The following GRM7 variants were observed in gnomAD, a reference collection of about 807,000 sequenced individuals.
GRM7 encodes glutamate metabotropic receptor 7, also known as metabotropic glutamate receptor 7.
A neutral mutation model predicts 84.5 loss-of-function variants in GRM7; 35 were observed. That is an observed-to-expected ratio of 0.41 (90% CI 0.32 to 0.55). The LOEUF (loss-of-function observed/expected upper bound fraction) is 0.55. Ranked by LOEUF, GRM7 falls within the 20% of genes least tolerant of loss-of-function variation. GRM7 has a pLI of 0.19. For synonymous variants in GRM7, 487 were observed against 455.1 expected (o/e 1.07, Z -0.89); for missense variants, 1,003 against 1,194.6 (o/e 0.84, Z 2.36).
At position 7,371,590 on chromosome 3, in the gene GRM7, T is replaced by G. The variant is rs548874358; in HGVS notation, c.1034-43433T>G. The stretch of plus-strand genomic sequence containing the variant: ...GCCAATACTGAGTGCTTTCTGCAAG[T>G]ATAAAGTAATTTAATTCTGAGCAAT... On this transcript the variant is annotated intron_variant, in intron 4 of 9. Transcript: ENST00000357716. Among the ~76,000 whole-genome samples the G allele has an allele frequency of 1.4e-4, 22 of 152,264 alleles. No homozygotes were observed. The South Asian group carries it at 4.6e-3, about 32-fold the overall frequency.
chr3:7,304,259 T>A (rs150319757), intron 3 of GRM7, among the ~76,000 whole-genome samples: 22 of 150,660 alleles, frequency 1.5e-4, no homozygotes, highest in Admixed American at 2.6e-4. Flanking sequence ...AATTTTAAAG[T>A]CTTTTTGTCA....
At chr3:7,202,318 T>G (rs1203286582) in intron 2 of GRM7, among the ~76,000 whole-genome samples, 2 of 152,124 alleles carry the variant, frequency 1.3e-5, no homozygotes, top group African/African-American at 4.8e-5. Context: ...AAATCTTTTG[T>G]TTTTTGTATG....
intron 8 of GRM7, among the ~76,000 whole-genome samples, chr3:7,610,694 A>G (rs1292166420): frequency 2.6e-5 from 4 of 152,102 alleles, no homozygotes; most frequent in African/African-American, 9.7e-5. Flanking sequence ...TTTGTTTCTT[A>G]TTTTCATGAT....
At chr3:7,189,635 C>A (rs889961240) in intron 2 of GRM7, among the ~76,000 whole-genome samples, 5 of 152,058 alleles carry the variant, frequency 3.3e-5, no homozygotes, top group African/African-American at 1.2e-4. Flanking sequence ...TGACCTCAAC[C>A]TTTTGTCTTA....
At position 6,872,915 on chromosome 3, in the gene GRM7, A is replaced by G. The variant is rs542409018; in HGVS notation, c.519+11008A>G. ...CTTTGCTATTCTGAGCAGTGCTGCA[A>G]TAAACATATGTGTGCATATGTCTTT... On this transcript the variant is annotated intron_variant, in intron 1 of 9. Coordinates refer to ENST00000357716, the MANE Select transcript of GRM7 (RefSeq NM_000844.4). Among the ~76,000 whole-genome samples, 72 of 152,318 alleles carry G rather than the reference A, an allele frequency of 4.7e-4. 1 individual carries two copies. Among genetic ancestry groups the G allele is most frequent in the African/African-American group, 1.6e-3 (65 of 41,568 alleles).
At chr3:6,886,814 A>G (rs1251277521) in intron 1 of GRM7, among the ~76,000 whole-genome samples, 1 of 151,760 alleles carries the variant, frequency 6.6e-6, no homozygotes, top group Non-Finnish European at 1.5e-5. Flanking sequence ...GTTTAATAAA[A>G]TGCTTAGGAT....
intron 7 of GRM7, among the ~76,000 whole-genome samples, chr3:7,462,298 T>C (rs575698530): frequency 2.0e-4 from 31 of 152,214 alleles, no homozygotes; most frequent in Non-Finnish European, 3.5e-4. Flanking sequence ...AAATTCTCTC[T>C]TAGCCTTTTT....
rs141014658 is a variant in GRM7, at chr3:6,980,130, C to T, written c.519+118223C>T. On this transcript the variant is annotated intron_variant, in intron 1 of 9. Transcript: ENST00000357716. ...ACTTCATATATTTCCTTCCTTTCTG[C>T]CTTCCATTCTTTCATTCTTTCACTC... 2.0e-5 allele frequency among the ~76,000 whole-genome samples: 3 copies of T among 152,100 alleles called. No homozygotes were observed. The East Asian group carries it at 5.8e-4, about 29-fold the overall frequency.
intron 1 of GRM7, among the ~76,000 whole-genome samples, chr3:6,995,913 T>G (rs1292616280): frequency 6.6e-6 from 1 of 152,174 alleles, no homozygotes; most frequent in Non-Finnish European, 1.5e-5. Context: ...TAAAAAGATG[T>G]GAAAGGTAAG....
At chr3:7,498,563 C>T (rs747026970) in intron 7 of GRM7, among the ~76,000 whole-genome samples, 6 of 152,106 alleles carry the variant, frequency 3.9e-5, no homozygotes, top group Admixed American at 6.5e-5. Flanking sequence ...TGGTATTTCA[C>T]ATTTGGTTGA....
intron 1 of GRM7, among the ~76,000 whole-genome samples, chr3:7,071,692 A>G (rs1200561765): frequency 6.6e-6 from 1 of 152,012 alleles, no homozygotes; most frequent in Non-Finnish European, 1.5e-5. Context: ...AGTATGTAAA[A>G]CATTTATTGA....
Position 7,718,029 on chromosome 3 carries a change from G to T in GRM7, c.2699-22328G>T, listed in dbSNP as rs574574536. Reference sequence around the variant, plus strand: ...GTGACATCGCCTATTAAAAGAAGAGGTTTGCAGGGTTCACATGAACTCTGG... The same window carrying T: ...GTGACATCGCCTATTAAAAGAAGAGTTTTGCAGGGTTCACATGAACTCTGG... On this transcript the variant is annotated intron_variant, in intron 9 of 9. Transcript: ENST00000357716. 8.8e-4 allele frequency among the ~76,000 whole-genome samples: 124 copies of T among 141,172 alleles called. No individual in the cohort carries two copies. In the South Asian group the frequency reaches 0.024, roughly 28 times the overall value. The allele number at this position is 141,172 out of a possible 152,430, so 92.6% of individuals were successfully genotyped here. A position where few individuals can be genotyped will look rare whatever the true frequency, so the allele number is the denominator to read the frequency against.
At chr3:7,445,765 G>T (rs190318644) in intron 5 of GRM7, among the ~76,000 whole-genome samples, 1 of 152,250 alleles carries the variant, frequency 6.6e-6, no homozygotes, top group Admixed American at 6.5e-5. Context: ...ATTTTATACA[G>T]AGAAATGCAT....
At chr3:7,296,363 A>G (rs761479433) in intron 2 of GRM7, among the ~76,000 whole-genome samples, 21 of 152,002 alleles carry the variant, frequency 1.4e-4, no homozygotes, top group Non-Finnish European at 2.8e-4. Context: ...TTGTTTGGTA[A>G]TATCTTTTCC....
intron 1 of GRM7, among the ~76,000 whole-genome samples, chr3:7,132,778 G>A (rs1693647128): frequency 6.6e-6 from 1 of 152,164 alleles, no homozygotes; most frequent in South Asian, 2.1e-4. Context: ...GACGCTGAAA[G>A]TGGCTTCGGA....
rs79954284 is a variant in GRM7, at chr3:7,384,573, T to A, written c.1034-30450T>A. Among the ~76,000 whole-genome samples the A allele has an allele frequency of 1.4e-3, 219 of 152,330 alleles. No homozygotes were observed. In the East Asian group the frequency reaches 0.02, roughly 14 times the overall value. ...TATTTAACCCAATGTATCCCAAATATCATCTCAACATATAATCAAATAACA... is the reference window on the plus strand; with the variant it reads ...TATTTAACCCAATGTATCCCAAATAACATCTCAACATATAATCAAATAACA... On this transcript the variant is annotated intron_variant, in intron 4 of 9. Coordinates refer to ENST00000357716, the MANE Select transcript of GRM7 (RefSeq NM_000844.4).
In GRM7 at chr3:7,718,213, T is replaced by C. The variant is rs1701832146; in HGVS notation, c.2699-22144T>C. Reference sequence around the variant, plus strand: ...TAGCACTTAGTACCATGTCTGAGCATAGGACACGCTCTGTAAATGTTAACC... The same window carrying C: ...TAGCACTTAGTACCATGTCTGAGCACAGGACACGCTCTGTAAATGTTAACC... On this transcript the variant is annotated intron_variant, in intron 9 of 9. Coordinates refer to ENST00000357716, the MANE Select transcript of GRM7 (RefSeq NM_000844.4). Among the ~76,000 whole-genome samples the C allele has an allele frequency of 1.3e-5, 2 of 152,234 alleles. 1 individual carries two copies. The highest frequency in any genetic ancestry group is 1.3e-4 in the Admixed American group (2 of 15,288).
chr3:7,064,463 C>CATATATATATATATATATATAT (rs745409093), intron 1 of GRM7, among the ~76,000 whole-genome samples: 3 of 87,386 alleles, frequency 3.4e-5, no homozygotes, highest in African/African-American at 1.5e-4. Flanking sequence ...GATATATATA[C>CATATATATATATATATATATAT]ATATATATAT....
chr3:7,077,903 C>T (rs909178891), intron 1 of GRM7, among the ~76,000 whole-genome samples: 1 of 152,018 alleles, frequency 6.6e-6, no homozygotes, highest in African/African-American at 2.4e-5. Flanking sequence ...CAATACAGTG[C>T]TATGATTTAA....
Sources: allele counts gnomAD v4.1 joint callset (sites outside exome capture counted in the v4.1 genomes callset), GRCh38; gene constraint gnomAD v4.1.1; transcripts MANE v1.5; gene names NCBI Gene and HGNC (gene_info 2026-07-23, HGNC 2026-07-21).